The following CIP2A variants were observed in gnomAD, a reference collection of about 807,000 sequenced individuals.
CIP2A encodes the protein cellular inhibitor of PP2A.
CIP2A carries 103 observed loss-of-function variants against 110.9 expected under a neutral mutation model. The observed-to-expected ratio is 0.93, with a 90% CI of 0.79 to 1.09. The LOEUF is 1.09. Among genes scored for constraint, CIP2A ranks in the 50% least tolerant of loss-of-function variants. The pLI, the probability that CIP2A is intolerant of heterozygous loss-of-function variation, is 0.00. For missense variants in CIP2A, 1,088 were observed against 1,038.4 expected (o/e 1.05, Z -0.66); for synonymous variants, 381 against 361.6 (o/e 1.05, Z -0.61).
chr3:108,577,428 T>C (rs184641633), intron 7 of CIP2A, among the ~76,000 whole-genome samples: 2 of 152,298 alleles, frequency 1.3e-5, no homozygotes, highest in East Asian at 1.9e-4. Flanking sequence ...ATGGTACATA[T>C]TTATGAGTGA....
At chr3:108,572,360 AT>A (rs1938430266) in intron 8 of CIP2A, among the ~76,000 whole-genome samples, 1 of 151,828 alleles carries the variant, frequency 6.6e-6, no homozygotes, top group Non-Finnish European at 1.5e-5. Flanking sequence ...TCTTATACTG[AT>A]TTTTGCATTT....
chr3:108,561,441 TG>T (rs1293982530), intron 13 of CIP2A, among the ~76,000 whole-genome samples: 1 of 152,094 alleles, frequency 6.6e-6, no homozygotes, highest in Non-Finnish European at 1.5e-5. Context: ...CGCAGCACTT[TG>T]GGAGGATCAC....
At position 108,565,365 on chromosome 3, in the gene CIP2A, T is replaced by C. The variant is rs1439027513; in HGVS notation, c.1505A>G (p.Lys502Arg). The C allele has an allele frequency of 5.1e-6, 8 of 1,566,706 alleles. No homozygotes were observed. Among genetic ancestry groups the C allele is most frequent in the East Asian group, 4.5e-5 (2 of 44,330 alleles). ...LVPGMEVSFY[K>R]ILQDPRLITP... ...AGAGTTTAAACTCACCTGAAGTATT[T>C]TGTAGAAGCTTACTTCCATACCAGG... is the stretch of plus-strand genomic sequence containing the variant. Residue 502 changes from lysine (K) to arginine (R), a missense_variant, in exon 12 of 21, where the codon AAA becomes AGA. Lys to Arg is a conservative substitution (Grantham distance 26). Transcript: ENST00000295746.
rs765836963 is a variant in CIP2A, at chr3:108,585,107, CA to C, written c.207del (p.Ser69ArgfsTer4). ...LVELLEDPNISASLILSIIGL... is the reference protein window; with the variant it reads ...LVELLEDPNIXASLILSIIGL... ...CCGATAATACTTAAGATCAGTGAAGCACTTATGTTGGGGTCTTCAAGTAGCT... is the reference window on the plus strand; with the variant it reads ...CCGATAATACTTAAGATCAGTGAAGCCTTATGTTGGGGTCTTCAAGTAGCT... On this transcript the variant is annotated frameshift_variant, in exon 2 of 21. Transcript: ENST00000295746. LOFTEE classifies it high-confidence loss of function. The C allele has an allele frequency of 5.0e-6, 8 of 1,613,188 alleles. No homozygotes were observed. The African/African-American group carries it at 1.1e-4, about 22-fold the overall frequency.
intron 17 of CIP2A, among the ~76,000 whole-genome samples, chr3:108,555,155 A>T (rs1381136784): frequency 6.6e-6 from 1 of 152,194 alleles, no homozygotes; most frequent in African/African-American, 2.4e-5. Flanking sequence ...TGTCCATTCA[A>T]GGAATTTCAC....
intron 8 of CIP2A, among the ~76,000 whole-genome samples, chr3:108,571,291 A>AT (rs1938396163): frequency 6.6e-6 from 1 of 152,152 alleles, no homozygotes; most frequent in Non-Finnish European, 1.5e-5. Flanking sequence ...TACAATCTTA[A>AT]TATGTGTTAT....
At chr3:108,556,576 C>A (rs555702978) in intron 17 of CIP2A, among the ~76,000 whole-genome samples, 1 of 152,154 alleles carries the variant, frequency 6.6e-6, no homozygotes, top group Non-Finnish European at 1.5e-5. Context: ...AAAAAGGACA[C>A]TCAATCTGTA....
chr3:108,558,376 C>T (rs911639814), intron 16 of CIP2A, among the ~76,000 whole-genome samples: 3 of 152,064 alleles, frequency 2.0e-5, no homozygotes, highest in Non-Finnish European at 2.9e-5. Flanking sequence ...ATAATTCATT[C>T]ATTATAAATA....
chr3:108,574,338 A>C (rs1327433509), intron 8 of CIP2A, among the ~76,000 whole-genome samples: 1 of 152,234 alleles, frequency 6.6e-6, no homozygotes, highest in Non-Finnish European at 1.5e-5. Flanking sequence ...AAAATGAAAA[A>C]GTGAAAAATA....
chr3:108,551,353 T>A, intron 20 of CIP2A, 34 bp from the exon 21 acceptor site: 1 of 1,512,690 alleles, frequency 6.6e-7, no homozygotes, highest in Non-Finnish European at 8.9e-7. Flanking sequence ...GAGGAAGAAT[T>A]GAGAAGAAAA....
chr3:108,582,453 C>T (rs1938914978), intron 3 of CIP2A, among the ~76,000 whole-genome samples: 3 of 152,202 alleles, frequency 2.0e-5, no homozygotes, highest in Non-Finnish European at 4.4e-5. Context: ...CAGTTTGAAA[C>T]ACACATGTAG....
At chr3:108,559,894 C>A (rs780310795) in intron 15 of CIP2A, 27 bp from the exon 16 acceptor site, 1 of 1,588,696 alleles carries the variant, frequency 6.3e-7, no homozygotes. Context: ...CATTAATTTT[C>A]ATTTTAGGAA....
chr3:108,588,993 T>TA (rs1939205903), intron 1 of CIP2A, among the ~76,000 whole-genome samples: 1 of 152,192 alleles, frequency 6.6e-6, no homozygotes, highest in African/African-American at 2.4e-5. Flanking sequence ...AAGGAAAAGA[T>TA]AAAGTTCCGA....
chr3:108,572,809 T>C (rs1938444196), intron 8 of CIP2A, among the ~76,000 whole-genome samples: 1 of 152,080 alleles, frequency 6.6e-6, no homozygotes, highest in Non-Finnish European at 1.5e-5. Context: ...TTAATTTATC[T>C]TGCCTTATTA....
chr3:108,552,358 GT>G lies in CIP2A; in HGVS notation c.2422del (p.Thr808GlnfsTer29). 1 of 1,523,746 alleles carries G rather than the reference GT, an allele frequency of 6.6e-7. No homozygotes were observed. The highest frequency in any genetic ancestry group is 8.8e-7 in the Non-Finnish European group (1 of 1,131,910). The allele number at this position is 1,523,746 out of a possible 1,614,324, so 94.4% of individuals were successfully genotyped here. On this transcript the variant is annotated frameshift_variant, in exon 20 of 21. Transcript: ENST00000295746. LOFTEE classifies it high-confidence loss of function. ...TTTAATCTTTTCTTCTTGTACTTTTGTTTTTTGATGCAAATCTTAAAAGAAA... is the reference window on the plus strand; with the variant it reads ...TTTAATCTTTTCTTCTTGTACTTTTGTTTTTGATGCAAATCTTAAAAGAAA... ...EHKLANLHQK[T>X]KVQEEKIKTL...
At chr3:108,561,513 A>T (rs1265595422) in intron 13 of CIP2A, among the ~76,000 whole-genome samples, 1 of 152,034 alleles carries the variant, frequency 6.6e-6, no homozygotes, top group Non-Finnish European at 1.5e-5. Context: ...ATAAAAAAAT[A>T]AATTAATTAA....
intron 13 of CIP2A, among the ~76,000 whole-genome samples, chr3:108,561,061 C>T (rs1937991468): frequency 6.6e-6 from 1 of 152,086 alleles, no homozygotes; most frequent in African/African-American, 2.4e-5. Context: ...ACAGCTTCAC[C>T]TCTGGTTTGG....
intron 3 of CIP2A, 56 bp from the exon 4 acceptor site, chr3:108,582,258 A>C: frequency 1.4e-6 from 1 of 717,196 alleles, no homozygotes; most frequent in Non-Finnish European, 2.3e-6. Context: ...GCCTGCTTAA[A>C]ATAATGGACT....
intron 14 of CIP2A, among the ~76,000 whole-genome samples, 172 bp from the exon 15 acceptor site, chr3:108,560,200 G>A (rs1937951657): frequency 6.6e-6 from 1 of 150,980 alleles, no homozygotes; most frequent in Non-Finnish European, 1.5e-5. Context: ...TTTGAGATGG[G>A]TCTCACTGTC....
Sources: gnomAD v4.1 joint callset for allele counts (sites outside exome capture counted in the v4.1 genomes callset) on GRCh38, gnomAD v4.1.1 for gene constraint, MANE v1.5 for transcripts, NCBI Gene and HGNC (gene_info 2026-07-23, HGNC 2026-07-21) for gene names.